The following ZIM2 variants were observed in gnomAD, a reference collection of about 807,000 sequenced individuals.
The protein encoded by ZIM2 is zinc finger protein 656.
In ZIM2, 14 loss-of-function variants were observed where a neutral mutation model predicts 38.6. The ratio of observed to expected loss-of-function variants is 0.36; its 90% CI spans 0.24 to 0.57. The LOEUF is 0.57. Among genes scored for constraint, ZIM2 ranks in the 20% least tolerant of loss-of-function variants. ZIM2 has a pLI of 0.81. For missense variants in ZIM2, 680 were observed against 695.1 expected, an observed-to-expected ratio of 0.98 and a Z score of 0.24; for synonymous variants, 247 against 245.8, an observed-to-expected ratio of 1.00 and a Z score of -0.04.
chr19:56,795,097 C>G (rs992739562), intron 9 of ZIM2, among the ~76,000 whole-genome samples: 4 of 152,010 alleles, frequency 2.6e-5, no homozygotes, highest in African/African-American at 4.8e-5. Flanking sequence ...CTCAGTCGCC[C>G]AGGCTGGAGT....
At chr19:56,795,206 A>G (rs889339239) in intron 9 of ZIM2, among the ~76,000 whole-genome samples, 54 of 152,150 alleles carry the variant, frequency 3.5e-4, no homozygotes, top group African/African-American at 1.1e-3. Context: ...CAGGCCCACC[A>G]GCGCAGAGCC....
chr19:56,807,162 A>G (rs2047797131), intron 9 of ZIM2, among the ~76,000 whole-genome samples: 1 of 152,102 alleles, frequency 6.6e-6, no homozygotes, highest in South Asian at 2.1e-4. Flanking sequence ...TTTTAAGAAG[A>G]CCTTGCATGG....
In ZIM2 at chr19:56,821,683, T is replaced by TGTC; in HGVS notation, c.259_261dup (p.Asp87dup). ...CGGGACTCATAAGCCCTGGAGTCCC[T>TGTC]GTCGTCCTCTCTGTCCATTTCAAAG... On this transcript the variant is annotated inframe_insertion, in exon 7 of 13. Coordinates refer to ENST00000629319, the MANE Select transcript of ZIM2 (RefSeq NM_001387356.1). The TGTC allele has an allele frequency of 6.2e-7, 1 of 1,614,044 alleles. No homozygotes were observed. Among genetic ancestry groups the TGTC allele is most frequent in the South Asian group, 1.1e-5 (1 of 91,068 alleles).
chr19:56,815,937 G>C, intron 9 of ZIM2: 6 of 1,604,410 alleles, frequency 3.7e-6, no homozygotes, highest in Non-Finnish European at 5.1e-6. Context: ...CTAAGCTATG[G>C]ATAACAGACC....
chr19:56,813,429 T>G (rs2059679538), intron 9 of ZIM2: 1 of 1,305,842 alleles, frequency 7.7e-7, no homozygotes, highest in Admixed American at 3.5e-5. Flanking sequence ...TCTGATTACT[T>G]GGAAAGGTAA....
chr19:56,803,303 T>A (rs2047611720), intron 9 of ZIM2, among the ~76,000 whole-genome samples: 1 of 152,224 alleles, frequency 6.6e-6, no homozygotes, highest in African/African-American at 2.4e-5. Context: ...GATGGTGAAG[T>A]GTACTCCAGT....
chr19:56,786,601 G>C (rs990170125), intron 10 of ZIM2, among the ~76,000 whole-genome samples: 1 of 151,966 alleles, frequency 6.6e-6, no homozygotes, highest in African/African-American at 2.4e-5. Flanking sequence ...CTTCCCAGTG[G>C]ACCCCATTGT....
rs2060792824 is a variant in ZIM2, at chr19:56,824,205, G to GGACACCTGAGGACA, written c.16+56_16+57insTGTCCTCAGGTGTC. The GGACACCTGAGGACA allele has an allele frequency of 2.4e-5, 37 of 1,573,476 alleles. No individual in the cohort carries two copies. The South Asian group carries it at 4.0e-4, about 17-fold the overall frequency. ...CATGTCAGAAGTGTGGAGGCTGAGAGCCCCAGGGGACACCTGAGGCCTGCA... is the reference window on the plus strand; with the variant it reads ...CATGTCAGAAGTGTGGAGGCTGAGAGGACACCTGAGGACACCCCAGGGGACACCTGAGGCCTGCA... On this transcript the variant is annotated intron_variant, in intron 4 of 12. Transcript: ENST00000629319.
At chr19:56,833,130 T>C (rs1274165229) in intron 2 of ZIM2, 1 of 516,486 alleles carries the variant, frequency 1.9e-6, no homozygotes, top group African/African-American at 1.9e-5. Context: ...GGACCATGTG[T>C]GAGAAGAAAT....
chr19:56,778,338 G>A (rs2046132223), intron 12 of ZIM2, among the ~76,000 whole-genome samples: 1 of 152,132 alleles, frequency 6.6e-6, no homozygotes, highest in Non-Finnish European at 1.5e-5. Context: ...ACAGAGAGGA[G>A]TCTTCCTGGT....
Position 56,789,962 on chromosome 19 carries a change from G to A in ZIM2, c.491-11C>T. On this transcript the variant is annotated splice_polypyrimidine_tract_variant and intron_variant, in intron 9 of 12. Coordinates refer to ENST00000629319, the MANE Select transcript of ZIM2 (RefSeq NM_001387356.1). ...CCTGAGCAAGGAAACCTAGAAGGGA[G>A]AGAGGAATACCATGGAATTGAGTCC... 6.5e-7 allele frequency: 1 copy of A among 1,540,644 alleles called. No homozygotes were observed.
intron 10 of ZIM2, among the ~76,000 whole-genome samples, chr19:56,782,937 G>A (rs2046398518): frequency 6.6e-6 from 1 of 151,862 alleles, no homozygotes. Context: ...TCCCTATTGT[G>A]CTATCAATAG....
At chr19:56,820,952 TC>T (rs1483098199) in intron 7 of ZIM2, among the ~76,000 whole-genome samples, 1 of 152,176 alleles carries the variant, frequency 6.6e-6, no homozygotes, top group Non-Finnish European at 1.5e-5. Flanking sequence ...TCCTCCACAC[TC>T]CACCATGTAT....
At chr19:56,776,161 G>C (rs2045996099) in intron 12 of ZIM2, among the ~76,000 whole-genome samples, 1 of 149,962 alleles carries the variant, frequency 6.7e-6, no homozygotes, top group South Asian at 2.1e-4. Context: ...GGAAGAAACA[G>C]AAAAAATATC....
At chr19:56,832,971 A>G (rs564868655) in intron 2 of ZIM2, among the ~76,000 whole-genome samples, 3 of 152,350 alleles carry the variant, frequency 2.0e-5, no homozygotes, top group Admixed American at 1.3e-4. Context: ...TACAATTAAT[A>G]TAACACATAA....
chr19:56,819,173 C>T (rs2060250246), intron 7 of ZIM2, among the ~76,000 whole-genome samples: 1 of 152,016 alleles, frequency 6.6e-6, no homozygotes, highest in African/African-American at 2.4e-5. Context: ...CAAACAGGCA[C>T]GGAGTACTCA....
intron 2 of ZIM2, among the ~76,000 whole-genome samples, chr19:56,830,673 G>T (rs746193771): frequency 1.1e-4 from 17 of 152,122 alleles, no homozygotes; most frequent in Non-Finnish European, 1.2e-4. Context: ...TACAGCAAGA[G>T]AAATAATTCC....
chr19:56,813,405 T>C (rs767080868), intron 9 of ZIM2: 38 of 1,257,350 alleles, frequency 3.0e-5, no homozygotes, highest in Non-Finnish European at 3.7e-5. Context: ...GGAATACTCA[T>C]AGGGTTTTCT....
chr19:56,837,136 T>C (rs1377572279), intron 1 of ZIM2, among the ~76,000 whole-genome samples: 1 of 152,112 alleles, frequency 6.6e-6, no homozygotes, highest in Non-Finnish European at 1.5e-5. Context: ...GTAGGAGAGC[T>C]AGGGCTGGGA....
Sources: gnomAD v4.1 joint callset for allele counts (sites outside exome capture counted in the v4.1 genomes callset) on GRCh38, gnomAD v4.1.1 for gene constraint, MANE v1.5 for transcripts, NCBI Gene and HGNC (gene_info 2026-07-23, HGNC 2026-07-21) for gene names.